The following CCDC30 variants were observed in gnomAD, a reference collection of about 807,000 sequenced individuals.
CCDC30 encodes coiled-coil domain-containing protein 30.
In CCDC30, 70 loss-of-function variants were observed where a neutral mutation model predicts 100.2. The observed-to-expected ratio is 0.70, with a 90% CI of 0.58 to 0.85. The LOEUF is 0.85. Among genes scored for constraint, CCDC30 ranks in the 40% least tolerant of loss-of-function variants. The probability of loss-of-function intolerance (pLI) is 0.00; values close to 1 mark genes in which losing one functional copy is unlikely to be tolerated. For missense variants in CCDC30, 652 were observed against 771.2 expected (o/e 0.85, Z 1.83); for synonymous variants, 233 against 269.5 (o/e 0.86, Z 1.33).
chr1:42,634,257 A>AC (rs1462037308), intron 11 of CCDC30, among the ~76,000 whole-genome samples: 55 of 151,786 alleles, frequency 3.6e-4, no homozygotes, highest in Middle Eastern at 3.4e-3. Context: ...CTCAAAAAAA[A>AC]AAAAAAAAAA....
Position 42,505,377 on chromosome 1 carries a change from G to C in CCDC30, c.456+6461G>C, listed in dbSNP as rs570702428. On this transcript the variant is annotated intron_variant, in intron 6 of 16. Coordinates refer to ENST00000668663, the Ensembl canonical transcript of CCDC30. ...CCCAAGCTGCAGGAAATCATTACTT[G>C]ATTCACAAGAATAAGCAGGGCTAGC... is the stretch of plus-strand genomic sequence containing the variant. 8.6e-5 allele frequency among the ~76,000 whole-genome samples: 13 copies of C among 152,016 alleles called. 1 individual carries two copies. Among genetic ancestry groups the C allele is most frequent in the Admixed American group, 7.2e-4 (11 of 15,262 alleles).
At chr1:42,578,992 TTTTTTG>T (rs1159179102) in intron 8 of CCDC30, among the ~76,000 whole-genome samples, 1 of 152,022 alleles carries the variant, frequency 6.6e-6, no homozygotes, top group Non-Finnish European at 1.5e-5. Flanking sequence ...AGAATTAACT[TTTTTTG>T]TTTTTGTTTT....
At chr1:42,556,213 C>A (rs762723831) in intron 6 of CCDC30, 3 of 1,613,854 alleles carry the variant, frequency 1.9e-6, no homozygotes, top group Admixed American at 1.7e-5. Context: ...TAAAGGAGGG[C>A]AGTTTTCCAA....
intron 6 of CCDC30, among the ~76,000 whole-genome samples, chr1:42,538,811 T>C (rs1644958250): frequency 6.6e-6 from 1 of 152,188 alleles, no homozygotes; most frequent in African/African-American, 2.4e-5. Flanking sequence ...TAAATGGTAC[T>C]TCTAAAAAGA....
chr1:42,611,226 C>A, intron 11 of CCDC30, 136 bp downstream of exon 15: 1 of 533,186 alleles, frequency 1.9e-6, no homozygotes, highest in South Asian at 3.1e-5. Context: ...TCCTATGTTT[C>A]CAAAAGTGCT....
chr1:42,613,199 G>A (rs895066329), intron 11 of CCDC30, among the ~76,000 whole-genome samples: 1 of 152,082 alleles, frequency 6.6e-6, no homozygotes, highest in African/African-American at 2.4e-5. Context: ...CTATTTTTAT[G>A]GTTATTTCTT....
chr1:42,579,014 CAG>C (rs2148588176), intron 8 of CCDC30, among the ~76,000 whole-genome samples: 1 of 152,112 alleles, frequency 6.6e-6, no homozygotes, highest in East Asian at 1.9e-4. Flanking sequence ...GTTTTTGAGA[CAG>C]AGTCTCGCTC....
In CCDC30 at chr1:42,498,925, T is replaced by A. The variant is rs780055462; in HGVS notation, c.456+9T>A. ...GTGAACAGAGAGAACAGGTATTGTATTTTAAAGTTCTGTTCTTTCTGATCT... is the reference window on the plus strand; with the variant it reads ...GTGAACAGAGAGAACAGGTATTGTAATTTAAAGTTCTGTTCTTTCTGATCT... On this transcript the variant is annotated intron_variant, in intron 6 of 16. Coordinates refer to ENST00000668663, the Ensembl canonical transcript of CCDC30. 27 of 1,220,300 alleles carry A rather than the reference T, an allele frequency of 2.2e-5. No individual in the cohort carries two copies. Among genetic ancestry groups the A allele is most frequent in the Non-Finnish European group, 2.6e-5 (25 of 975,526 alleles). The allele number at this position is 1,220,300 out of a possible 1,614,324, so 75.6% of individuals were successfully genotyped here. A position where few individuals can be genotyped will look rare whatever the true frequency, so the allele number is the denominator to read the frequency against.
Position 42,581,532 on chromosome 1 carries a change from C to T in CCDC30, c.1001+18C>T. ...CAGAAGAGGTAAGAGGAGCAGAGATCTCAGTTTCCTGTGGGTTTAGCCATG... is the reference window on the plus strand; with the variant it reads ...CAGAAGAGGTAAGAGGAGCAGAGATTTCAGTTTCCTGTGGGTTTAGCCATG... On this transcript the variant is annotated intron_variant, in intron 9 of 16. Transcript: ENST00000668663. The T allele has an allele frequency of 6.2e-7, 1 of 1,600,724 alleles. No homozygotes were observed. Among genetic ancestry groups the T allele is most frequent in the South Asian group, 1.1e-5 (1 of 88,462 alleles).
chr1:42,456,457 G>T, the CCDC30 span: 26 of 1,167,492 alleles, frequency 2.2e-5, no homozygotes, highest in East Asian at 6.7e-4. Context: ...TCAAAAGAAG[G>T]GTAGTGAACC....
At position 42,541,241 on chromosome 1, in the gene CCDC30, AAGAG is replaced by A. The variant is rs548528484; in HGVS notation, c.457-25044_457-25041del. 5.2e-3 allele frequency among the ~76,000 whole-genome samples: 792 copies of A among 152,056 alleles called. 7 individuals carry two copies. The highest frequency in any genetic ancestry group is 0.018 in the African/African-American group (764 of 41,528). On this transcript the variant is annotated intron_variant, in intron 6 of 16. Coordinates refer to ENST00000668663, the Ensembl canonical transcript of CCDC30. ...TTGTATCTTCACATGGCCAACAGCA[AAGAG>A]AGAGAGAGAGTGCAAGCTTTTTCCT...
At position 42,557,831 on chromosome 1, in the gene CCDC30, C is replaced by T. The variant is rs139257896; in HGVS notation, c.457-8465C>T. Reference sequence around the variant, plus strand: ...TTAAGGAATTTGTAATTCCTTAAGACGGAAAAGATGTTAGGCATCATCTGG... The same window carrying T: ...TTAAGGAATTTGTAATTCCTTAAGATGGAAAAGATGTTAGGCATCATCTGG... On this transcript the variant is annotated intron_variant, in intron 6 of 16. Coordinates refer to ENST00000668663, the Ensembl canonical transcript of CCDC30. Among the ~76,000 whole-genome samples the T allele has an allele frequency of 1.8e-3, 270 of 151,312 alleles. 1 individual carries two copies. The highest frequency in any genetic ancestry group is 6.1e-3 in the African/African-American group (251 of 41,308).
At position 42,536,727 on chromosome 1, in the gene CCDC30, C is replaced by T. The variant is rs911418477; in HGVS notation, c.457-29569C>T. On this transcript the variant is annotated intron_variant, in intron 6 of 16. Transcript: ENST00000668663. ...GGCTGCCATAACCAAACACCACAGA[C>T]TAGGTGGCTCAAAGAACAGAATTTT... 6.0e-6 allele frequency: 4 copies of T among 670,898 alleles called. No individual in the cohort carries two copies. In the South Asian group the frequency reaches 8.7e-5, roughly 15 times the overall value. The allele number at this position is 670,898 out of a possible 1,614,324, so 41.6% of individuals were successfully genotyped here. A position where few individuals can be genotyped will look rare whatever the true frequency, so the allele number is the denominator to read the frequency against.
chr1:42,589,175 C>CTG (rs1646134222), intron 9 of CCDC30, 146 bp from the exon 14 acceptor site: 3 of 500,510 alleles, frequency 6.0e-6, no homozygotes. Flanking sequence ...AAGAGGTTCC[C>CTG]TGTGTTGGTC....
At chr1:42,457,399 G>T in the CCDC30 span, 15 of 1,521,888 alleles carry the variant, frequency 9.9e-6, no homozygotes, top group South Asian at 1.7e-4. Context: ...AACCAATCTT[G>T]GGTTAATTTC....
At chr1:42,481,325 C>G (rs1034116103) in intron 2 of CCDC30, among the ~76,000 whole-genome samples, 2 of 152,022 alleles carry the variant, frequency 1.3e-5, no homozygotes, top group African/African-American at 4.8e-5. Flanking sequence ...CCTGTAATCC[C>G]AGCACTTTGG....
Position 42,536,787 on chromosome 1 carries a change from G to C in CCDC30, c.457-29509G>C, listed in dbSNP as rs141341524. 285 of 523,766 alleles carry C rather than the reference G, an allele frequency of 5.4e-4. 1 individual carries two copies. Among genetic ancestry groups the C allele is most frequent in the Non-Finnish European group, 8.0e-4 (239 of 298,490 alleles). The allele number at this position is 523,766 out of a possible 1,614,324, so 32.4% of individuals were successfully genotyped here. A position where few individuals can be genotyped will look rare whatever the true frequency, so the allele number is the denominator to read the frequency against. On this transcript the variant is annotated intron_variant, in intron 6 of 16. Transcript: ENST00000668663. ...CAGTTATGGAGGAGGGGAAGTCCAA[G>C]ATCAAGGTGCCAGCCAAGTCAGTTC...
intron 12 of CCDC30, among the ~76,000 whole-genome samples, chr1:42,637,706 T>C (rs1021289648): frequency 6.6e-6 from 1 of 152,226 alleles, no homozygotes; most frequent in African/African-American, 2.4e-5. Flanking sequence ...TTCTGCTTTG[T>C]GGAGCCCTCA....
intron 6 of CCDC30, among the ~76,000 whole-genome samples, chr1:42,538,587 CA>C (rs1644953972): frequency 6.6e-6 from 1 of 152,096 alleles, no homozygotes; most frequent in Admixed American, 6.6e-5. Context: ...GCCTGGGCAA[CA>C]TAGCGAGACC....
Sources: gnomAD v4.1 joint callset for allele counts (sites outside exome capture counted in the v4.1 genomes callset) on GRCh38, gnomAD v4.1.1 for gene constraint, MANE v1.5 for transcripts, NCBI Gene and HGNC (gene_info 2026-07-23, HGNC 2026-07-21) for gene names.